ABRAXAS1: variants seen among roughly 807,000 people sequenced by gnomAD.
ABRAXAS1 encodes the protein abraxas 1, BRCA1 A complex subunit.
In ABRAXAS1, 26 loss-of-function variants were observed where a neutral mutation model predicts 38.4. The observed-to-expected ratio is 0.68, with a 90% CI of 0.50 to 0.94. The LOEUF (loss-of-function observed/expected upper bound fraction) is 0.94. Among genes scored for constraint, ABRAXAS1 ranks in the 40% least tolerant of loss-of-function variants. The probability of loss-of-function intolerance (pLI) is 0.00; values close to 1 mark genes in which losing one functional copy is unlikely to be tolerated. For synonymous variants in ABRAXAS1, 144 were observed against 165.5 expected, an observed-to-expected ratio of 0.87 and a Z score of 1.00; for missense variants, 438 against 481.9, an observed-to-expected ratio of 0.91 and a Z score of 0.85.
intron 3 of ABRAXAS1, among the ~76,000 whole-genome samples, chr4:83,473,806 T>C (rs913684653): frequency 6.6e-6 from 1 of 150,990 alleles, no homozygotes; most frequent in East Asian, 2.0e-4. Flanking sequence ...TGAGCCACCA[T>C]GACCCACCTG....
In ABRAXAS1 at chr4:83,460,732, C is replaced by T. The variant is rs760125948; in HGVS notation, c.*1737G>A. Reference sequence around the variant, plus strand: ...CAGCCTGGCCAATATGGTGAAACCCCGTTTCTACTACAAATACAAAAAAAT... The same window carrying T: ...CAGCCTGGCCAATATGGTGAAACCCTGTTTCTACTACAAATACAAAAAAAT... On this transcript the variant is annotated 3_prime_UTR_variant, in exon 9 of 9. Transcript: ENST00000321945. 4 of 422,290 alleles carry T rather than the reference C, an allele frequency of 9.5e-6. No individual in the cohort carries two copies. The highest frequency in any genetic ancestry group is 2.3e-5 in the South Asian group (1 of 43,324). 26.2% of individuals were successfully genotyped at this position (422,290 alleles called of 1,614,324 possible).
At chr4:83,471,207 TTTTTTTTTTTTTTTTTGA>T (rs1722576475) in intron 4 of ABRAXAS1, among the ~76,000 whole-genome samples, 1 of 122,694 alleles carries the variant, frequency 8.2e-6, no homozygotes, top group Non-Finnish European at 1.7e-5. Context: ...TTTTTTTTTT[TTTTTTTTTTTTTTTTTGA>T]GACAGTCTGG....
intron 8 of ABRAXAS1, 36 bp downstream of exon 8, chr4:83,463,458 T>G (rs778658785): frequency 1.4e-6 from 2 of 1,424,088 alleles, no homozygotes; most frequent in Non-Finnish European, 1.9e-6. Context: ...AATAAAAATT[T>G]TTAGCACAGA....
rs1722187297 is a variant in ABRAXAS1 at position 83,462,843 on chromosome 4, T to C, written c.856A>G (p.Thr286Ala). 1 of 1,610,152 alleles carries C rather than the reference T, an allele frequency of 6.2e-7. No individual in the cohort carries two copies. The highest frequency in any genetic ancestry group is 8.5e-7 in the Non-Finnish European group (1 of 1,178,636). The change falls in exon 9 of 9, where the codon ACC becomes GCC. Residue 286 changes from threonine (T) to alanine (A), a missense_variant. Around this residue, in one of 3 missense-constraint regions of ABRAXAS1, gnomAD observed 184 missense variants for 181.9 expected, o/e 1.01. Coordinates refer to ENST00000321945, the MANE Select transcript of ABRAXAS1 (RefSeq NM_139076.3). ...AGAAATTCAGAATTTGGAAAAAAGG[T>C]CCGTAATGCCTGACAAAGAAAAATG... ...ENIFLCQALR[T>A]FFPNSEFLHS... is the part of the protein sequence containing the mutation.
Position 83,485,038 on chromosome 4 carries a change from C to G in ABRAXAS1, c.35G>C (p.Gly12Ala), listed in dbSNP as rs1218090305. ...EGESTSAVLS[G>A]FVLGALAFQH... ...GAAAGCGAGTGCGCCGAGCACAAAGCCCGAGAGCACCGCCGACGTACTCTC... is the reference window on the plus strand; with the variant it reads ...GAAAGCGAGTGCGCCGAGCACAAAGGCCGAGAGCACCGCCGACGTACTCTC... The change falls in exon 1 of 9, where the codon GGC becomes GCC. Residue 12 changes from glycine to alanine, a missense_variant. By Grantham distance (60) the Gly-to-Ala change is moderately conservative (BLOSUM62 0). This residue lies in a region of ABRAXAS1 where 60 missense variants were observed against 31.1 expected (regional missense o/e 1.93). Transcript: ENST00000321945. The G allele has an allele frequency of 6.3e-7, 1 of 1,595,768 alleles. No individual in the cohort carries two copies. The highest frequency in any genetic ancestry group is 2.3e-5 in the East Asian group (1 of 43,004).
Position 83,484,915 on chromosome 4 carries a change from C to G in ABRAXAS1, c.87+71G>C, listed in dbSNP as rs560610909. On this transcript the variant is annotated intron_variant, in intron 1 of 8. Transcript: ENST00000321945. ...GGGGAGCGGGCGGGGACCGGAGCAA[C>G]AGCGGGGAGGCAGGCCGCGCGCAGG... is the stretch of plus-strand genomic sequence containing the variant. The G allele has an allele frequency of 6.1e-4, 827 of 1,350,776 alleles. 2 individuals carry two copies. The highest frequency in any genetic ancestry group is 7.7e-4 in the Non-Finnish European group (769 of 992,650). The allele number at this position is 1,350,776 out of a possible 1,614,324, so 83.7% of individuals were successfully genotyped here.
Position 83,460,854 on chromosome 4 carries a change from C to G in ABRAXAS1, c.*1615G>C. The G allele has an allele frequency of 2.5e-6, 2 of 800,770 alleles. No individual in the cohort carries two copies. The highest frequency in any genetic ancestry group is 3.2e-5 in the South Asian group (2 of 62,446). The allele number at this position is 800,770 out of a possible 1,614,324, so 49.6% of individuals were successfully genotyped here. On this transcript the variant is annotated 3_prime_UTR_variant, in exon 9 of 9. Coordinates refer to ENST00000321945, the MANE Select transcript of ABRAXAS1 (RefSeq NM_139076.3). ...CTGGGTGGCGGAGGTTGCAGTGAGG[C>G]GAGAGAGCACCACTGTACTCCAGCC...
Position 83,460,293 on chromosome 4 carries a change from G to C in ABRAXAS1, c.*2176C>G, listed in dbSNP as rs542429001. 1 of 152,486 alleles carries C rather than the reference G, an allele frequency of 6.6e-6. No individual in the cohort carries two copies. Among genetic ancestry groups the C allele is most frequent in the South Asian group, 2.1e-4 (1 of 4,824 alleles). The allele number at this position is 152,486 out of a possible 1,614,324, so 9.4% of individuals were successfully genotyped here. Reference sequence around the variant, plus strand: ...ATGCTTCAGCCTCCCGAATAGCTGGGATTACAGGCATGCACCACCACGCCT... The same window carrying C: ...ATGCTTCAGCCTCCCGAATAGCTGGCATTACAGGCATGCACCACCACGCCT... On this transcript the variant is annotated 3_prime_UTR_variant, in exon 9 of 9. Transcript: ENST00000321945.
intron 2 of ABRAXAS1, chr4:83,478,880 A>G (rs567557145): frequency 6.6e-6 from 1 of 152,554 alleles, no homozygotes; most frequent in South Asian, 2.1e-4. Flanking sequence ...AACATGACAA[A>G]AGCCCAGTTT....
chr4:83,461,227 T>C lies in ABRAXAS1; in HGVS notation c.*1242A>G. 3 of 1,588,412 alleles carry C rather than the reference T, an allele frequency of 1.9e-6. No individual in the cohort carries two copies. The highest frequency in any genetic ancestry group is 2.6e-6 in the Non-Finnish European group (3 of 1,158,784). On this transcript the variant is annotated 3_prime_UTR_variant, in exon 9 of 9. Coordinates refer to ENST00000321945, the MANE Select transcript of ABRAXAS1 (RefSeq NM_139076.3). ...TATCACGTTACCACTAATAAACTTA[T>C]TTTACAGTAAGTGGTTGTATGATGC...
At chr4:83,482,883 A>G (rs767300893) in intron 1 of ABRAXAS1, among the ~76,000 whole-genome samples, 2 of 152,198 alleles carry the variant, frequency 1.3e-5, no homozygotes, top group African/African-American at 2.4e-5. Context: ...TTGGAAGCAT[A>G]TAAGACTTAA....
chr4:83,484,157 C>G, intron 1 of ABRAXAS1: 1 of 981,452 alleles, frequency 1.0e-6, no homozygotes, highest in Non-Finnish European at 1.2e-6. Context: ...CGTGAGCCAC[C>G]GCGCCCGACC....
chr4:83,469,009 G>T (rs1206515992), intron 6 of ABRAXAS1, 23 bp downstream of exon 6: 1 of 1,598,710 alleles, frequency 6.3e-7, no homozygotes, highest in East Asian at 2.2e-5. Context: ...TAGAAGTTTT[G>T]TGAGAAAGCA....
chr4:83,466,019 C>T (rs1258461605), intron 7 of ABRAXAS1, among the ~76,000 whole-genome samples: 1 of 152,190 alleles, frequency 6.6e-6, no homozygotes, highest in Non-Finnish European at 1.5e-5. Context: ...TGTTAAGCCA[C>T]ACTTCCCCTG....
rs1030976991 is a variant in ABRAXAS1, at chr4:83,472,362, A to C, written c.216-74T>G. ...TAATTTTATTAGTATTTTAAATTTT[A>C]GTTATTCCTAACCCAACTACCAAAG... On this transcript the variant is annotated intron_variant, in intron 3 of 8. Coordinates refer to ENST00000321945, the MANE Select transcript of ABRAXAS1 (RefSeq NM_139076.3). The C allele has an allele frequency of 3.3e-6, 3 of 921,954 alleles. No homozygotes were observed. The African/African-American group carries it at 5.1e-5, about 16-fold the overall frequency. 57.1% of individuals were successfully genotyped at this position (921,954 alleles called of 1,614,324 possible). A position where few individuals can be genotyped will look rare whatever the true frequency, so the allele number is the denominator to read the frequency against.
intron 7 of ABRAXAS1, 50 bp from the exon 8 acceptor site, chr4:83,463,658 C>T (rs762693427): frequency 8.1e-6 from 8 of 983,742 alleles, no homozygotes; most frequent in East Asian, 2.5e-5. Context: ...AAGCTGTGTA[C>T]TAATACAGTC....
chr4:83,460,614 CTTG>C lies in ABRAXAS1; in HGVS notation c.*1852_*1854del, dbSNP rs760195987. 1.3e-4 allele frequency: 28 copies of C among 216,420 alleles called. No individual in the cohort carries two copies. The highest frequency in any genetic ancestry group is 5.4e-4 in the South Asian group (8 of 14,888). The allele number at this position is 216,420 out of a possible 1,614,324, so 13.4% of individuals were successfully genotyped here. ...GATTTACCAATCCTTGACTTAAAAA[CTTG>C]TTGAGGCTGGGCATGTTGGCTCACA... On this transcript the variant is annotated 3_prime_UTR_variant, in exon 9 of 9. Transcript: ENST00000321945.
Position 83,485,067 on chromosome 4 carries a change from C to A in ABRAXAS1, c.6G>T (p.Glu2Asp), listed in dbSNP as rs550154981. ...AGAGCACCGCCGACGTACTCTCCCC[C>A]TCCATGCTACCGCCGCCTCAGGCTA... is the stretch of plus-strand genomic sequence containing the variant. M[E>D]GESTSAVLSG... Residue 2 changes from glutamate (E) to aspartate (D), a missense_variant, in exon 1 of 9, where the codon GAG (glutamate) becomes GAT (aspartate). By Grantham distance (45) the Glu-to-Asp change is conservative. Around this residue, in one of 3 missense-constraint regions of ABRAXAS1, gnomAD observed 60 missense variants for 31.1 expected, o/e 1.93. Coordinates refer to ENST00000321945, the MANE Select transcript of ABRAXAS1 (RefSeq NM_139076.3). 5.7e-6 allele frequency: 9 copies of A among 1,588,146 alleles called. No homozygotes were observed. The highest frequency in any genetic ancestry group is 2.8e-5 in the African/African-American group (2 of 72,044).
intron 1 of ABRAXAS1, 46 bp downstream of exon 1, chr4:83,484,940 G>A (rs770693023): frequency 1.5e-4 from 218 of 1,494,430 alleles, no homozygotes; most frequent in Non-Finnish European, 1.9e-4. Flanking sequence ...CCGCGCGCAG[G>A]GCTCTTCCCA....
Sources: gnomAD v4.1 joint callset for allele counts (sites outside exome capture counted in the v4.1 genomes callset) on GRCh38, gnomAD v4.1.1 for gene constraint, gnomAD v4.1.1 regional missense constraint, MANE v1.5 for transcripts, NCBI Gene and HGNC (gene_info 2026-07-23, HGNC 2026-07-21) for gene names.